SMARCD3: variants seen among roughly 807,000 people sequenced by gnomAD.
The protein encoded by SMARCD3 is SWI/SNF related BAF chromatin remodeling complex subunit D3.
Under a neutral mutation model 58.0 loss-of-function variants are expected in SMARCD3, and 14 were observed. The ratio of observed to expected loss-of-function variants is 0.24; its 90% CI spans 0.16 to 0.38. SMARCD3 has a LOEUF of 0.38. SMARCD3 is among the 10% of genes least tolerant of loss of function. The pLI, the probability that SMARCD3 is intolerant of heterozygous loss-of-function variation, is 1.00. For synonymous variants in SMARCD3, 253 were observed against 253.8 expected, an observed-to-expected ratio of 1.00 and a Z score of 0.03; for missense variants, 408 against 636.9, an observed-to-expected ratio of 0.64 and a Z score of 3.87.
intron 10 of SMARCD3, 63 bp downstream of exon 10, chr7:151,240,049 A>G (rs1281357181): frequency 6.3e-7 from 1 of 1,583,014 alleles, no homozygotes; most frequent in East Asian, 2.2e-5. Flanking sequence ...CCCTGGTCTC[A>G]GAAAAGTCTC....
At chr7:151,263,409 C>G (rs1332625203) in intron 2 of SMARCD3, among the ~76,000 whole-genome samples, 1 of 152,046 alleles carries the variant, frequency 6.6e-6, no homozygotes. Flanking sequence ...CCACTTTCAC[C>G]AAGGGGGCCT....
chr7:151,262,065 C>T (rs1034412959), intron 2 of SMARCD3, among the ~76,000 whole-genome samples: 4 of 151,586 alleles, frequency 2.6e-5, no homozygotes, highest in African/African-American at 9.7e-5. Context: ...GAAGCCACCA[C>T]ATGTAGCACA....
At position 151,240,087 on chromosome 7, in the gene SMARCD3, C is replaced by T. The variant is rs777849571; in HGVS notation, c.1173+25G>A. On this transcript the variant is annotated intron_variant, in intron 10 of 12. Coordinates refer to ENST00000262188, the MANE Select transcript of SMARCD3 (RefSeq NM_001003801.2). ...CTATCATCTCTGGGTTAATGTCCCA[C>T]TCCAGCTCTGGGCTTGGGCCCCACC... is the stretch of plus-strand genomic sequence containing the variant. 4.6e-5 allele frequency: 75 copies of T among 1,613,058 alleles called. 1 individual carries two copies. The South Asian group carries it at 7.8e-4, about 17-fold the overall frequency.
At chr7:151,276,380 C>T (rs774328049) in intron 1 of SMARCD3, among the ~76,000 whole-genome samples, 31 of 114,730 alleles carry the variant, frequency 2.7e-4, no homozygotes, top group Middle Eastern at 7.7e-3. Context: ...TGAGAAAGTG[C>T]TCGGCAGGGG....
At chr7:151,256,493 C>G (rs1803702960) in intron 2 of SMARCD3, among the ~76,000 whole-genome samples, 1 of 152,068 alleles carries the variant, frequency 6.6e-6, no homozygotes, top group Non-Finnish European at 1.5e-5. Flanking sequence ...TCTTGACTCT[C>G]TTAAGAGGTA....
At chr7:151,262,592 T>A (rs975574854) in intron 2 of SMARCD3, among the ~76,000 whole-genome samples, 1 of 152,240 alleles carries the variant, frequency 6.6e-6, no homozygotes, top group Admixed American at 6.5e-5. Context: ...TGACATGGCC[T>A]TTGCCCTTGA....
At chr7:151,255,903 CAG>C (rs1442403732) in intron 2 of SMARCD3, among the ~76,000 whole-genome samples, 1 of 149,756 alleles carries the variant, frequency 6.7e-6, no homozygotes, top group Non-Finnish European at 1.5e-5. Flanking sequence ...TTTTTTGAGA[CAG>C]AGTCTTGCTC....
At chr7:151,269,770 G>A (rs1795108345) in intron 2 of SMARCD3, among the ~76,000 whole-genome samples, 1 of 152,214 alleles carries the variant, frequency 6.6e-6, no homozygotes, top group Non-Finnish European at 1.5e-5. Context: ...TTGCAGTGGC[G>A]AGGGGCGCTC....
At chr7:151,248,745 C>A, upstream of SMARCD3, 1 of 1,147,218 alleles carries the variant, frequency 8.7e-7, no homozygotes, top group Non-Finnish European at 1.1e-6. The surrounding 1 kb of genome is among the most constrained non-coding windows in gnomAD (Gnocchi z 6.1). Flanking sequence ...CCCACGCCGC[C>A]GCCGCCCGCC....
intron 2 of SMARCD3, among the ~76,000 whole-genome samples, chr7:151,274,315 T>A (rs527372960): frequency 6.6e-6 from 1 of 152,196 alleles, no homozygotes; most frequent in South Asian, 2.1e-4. Context: ...TCCGACCCCT[T>A]ACCATGCCAG....
At position 151,241,737 on chromosome 7, in the gene SMARCD3, G is replaced by T. The variant is rs1292652465; in HGVS notation, c.778-84C>A. ...CCAGGCCATTCAGGACTAGGGGGATGTGTTGATTGAGGAAACATGCCCCTG... is the reference window on the plus strand; with the variant it reads ...CCAGGCCATTCAGGACTAGGGGGATTTGTTGATTGAGGAAACATGCCCCTG... On this transcript the variant is annotated intron_variant, in intron 7 of 12. Coordinates refer to ENST00000262188, the MANE Select transcript of SMARCD3 (RefSeq NM_001003801.2). The surrounding 1 kb of genome is among the most constrained non-coding windows in gnomAD (Gnocchi z 5.3). The T allele has an allele frequency of 2.1e-6, 3 of 1,425,714 alleles. No individual in the cohort carries two copies. In the South Asian group the frequency reaches 3.6e-5, roughly 17 times the overall value. 88.3% of individuals were successfully genotyped at this position (1,425,714 alleles called of 1,614,324 possible).
intron 2 of SMARCD3, among the ~76,000 whole-genome samples, chr7:151,274,059 C>T (rs979746819): frequency 6.6e-6 from 1 of 152,294 alleles, no homozygotes; most frequent in Non-Finnish European, 1.5e-5. Context: ...TTTCCAATTG[C>T]ACCTTTCCAG....
intron 8 of SMARCD3, chr7:151,240,936 A>G (rs1326432050): frequency 4.2e-6 from 1 of 240,370 alleles, no homozygotes; most frequent in African/African-American, 2.3e-5. Context: ...TGCCTGGCAC[A>G]TGGTAAGTGC....
At chr7:151,276,249 G>C (rs996139070) in intron 1 of SMARCD3, among the ~76,000 whole-genome samples, 16 of 151,858 alleles carry the variant, frequency 1.1e-4, no homozygotes, top group Non-Finnish European at 2.2e-4. Flanking sequence ...GAAGGTGCCA[G>C]GCAGGGGAAT....
Position 151,245,173 on chromosome 7 carries a change from G to A in SMARCD3, c.290+287C>T, listed in dbSNP as rs1469476376. Among the ~76,000 whole-genome samples, 2 of 152,062 alleles carry A rather than the reference G, an allele frequency of 1.3e-5. No individual in the cohort carries two copies. Among genetic ancestry groups the A allele is most frequent in the Non-Finnish European group, 2.9e-5 (2 of 68,000 alleles). On this transcript the variant is annotated intron_variant, in intron 2 of 12. Coordinates refer to ENST00000262188, the MANE Select transcript of SMARCD3 (RefSeq NM_001003801.2). The surrounding 1 kb of genome is among the most constrained non-coding windows in gnomAD (Gnocchi z 6.2). ...TGAAGCATCACCCAGAACCTGATGG[G>A]TGGAGAGAAGGACTGAGCAGGTGAC...
chr7:151,274,479 G>A (rs1795278227), intron 2 of SMARCD3, among the ~76,000 whole-genome samples: 1 of 152,250 alleles, frequency 6.6e-6, no homozygotes, highest in Non-Finnish European at 1.5e-5. Context: ...GGCCCAGAGT[G>A]CATCAGAGCT....
chr7:151,262,876 C>G (rs1803961452), intron 2 of SMARCD3, among the ~76,000 whole-genome samples: 1 of 151,496 alleles, frequency 6.6e-6, no homozygotes, highest in African/African-American at 2.4e-5. Context: ...GAGAGGCACC[C>G]AAGACTCATG....
intron 2 of SMARCD3, among the ~76,000 whole-genome samples, chr7:151,260,250 C>G (rs1474013737): frequency 6.6e-6 from 1 of 152,014 alleles, no homozygotes; most frequent in African/African-American, 2.4e-5. Context: ...AACACACGCA[C>G]CCCACCTTCC....
rs1438397951 is a variant in SMARCD3 at position 151,243,813 on chromosome 7, A to G, written c.291-112T>C. On this transcript the variant is annotated intron_variant, in intron 2 of 12. Transcript: ENST00000262188. This position sits in a 1 kb window ranked among gnomAD's most constrained non-coding sequence, Gnocchi z 4.4. ...CCGCCCGCCTGGCTGGGGTTCCCACAGCCCACTTGTCTGCCCGCCCAAGGG... is the reference window on the plus strand; with the variant it reads ...CCGCCCGCCTGGCTGGGGTTCCCACGGCCCACTTGTCTGCCCGCCCAAGGG... The G allele has an allele frequency of 1.2e-6, 1 of 812,460 alleles. No individual in the cohort carries two copies. The highest frequency in any genetic ancestry group is 2.4e-5 in the East Asian group (1 of 41,380). 50.3% of individuals were successfully genotyped at this position (812,460 alleles called of 1,614,324 possible).
Sources: allele counts gnomAD v4.1 joint callset (sites outside exome capture counted in the v4.1 genomes callset), GRCh38; gene constraint gnomAD v4.1.1; non-coding constraint Gnocchi (gnomAD v3.1); transcripts MANE v1.5; gene names NCBI Gene and HGNC (gene_info 2026-07-23, HGNC 2026-07-21).